The following ATP2C2 variants were observed in gnomAD, a reference collection of about 807,000 sequenced individuals.
ATP2C2 encodes the protein ATPase secretory pathway Ca2+ transporting 2, also known as calcium-transporting ATPase type 2C member 2.
A neutral mutation model predicts 110.8 loss-of-function variants in ATP2C2; 171 were observed. The observed-to-expected ratio is 1.54, with a 90% CI of 1.36 to 1.75. The LOEUF (loss-of-function observed/expected upper bound fraction) is 1.75. ATP2C2 is among the 40% of genes most tolerant of loss of function. The pLI is 0.00. For missense variants in ATP2C2, 1,963 were observed against 1,235.0 expected (o/e 1.59, Z -8.84); for synonymous variants, 804 against 508.4 (o/e 1.58, Z -7.82).
chr16:84,442,639 C>A, intron 15 of ATP2C2, 40 bp downstream of exon 15: 1 of 1,584,088 alleles, frequency 6.3e-7, no homozygotes, highest in Non-Finnish European at 8.7e-7. Flanking sequence ...AATTCTTTCG[C>A]TCGGGGCTGG....
At chr16:84,373,637 G>T (rs749732435) in intron 1 of ATP2C2, among the ~76,000 whole-genome samples, 5 of 152,174 alleles carry the variant, frequency 3.3e-5, no homozygotes, top group Admixed American at 1.3e-4. Context: ...AAGGGAAGGG[G>T]TTACACAGGC....
At chr16:84,432,974 T>G (rs1908412455) in intron 11 of ATP2C2, among the ~76,000 whole-genome samples, 1 of 152,052 alleles carries the variant, frequency 6.6e-6, no homozygotes, top group Non-Finnish European at 1.5e-5. Context: ...CGAACAGCAT[T>G]CTCAGGTGAC....
chr16:84,455,647 T>G (rs371323019), intron 21 of ATP2C2, among the ~76,000 whole-genome samples: 168 of 152,080 alleles, frequency 1.1e-3, no homozygotes, highest in African/African-American at 3.7e-3. Context: ...TTTTTAAGCC[T>G]GATACAAAAA....
chr16:84,398,362 T>G, intron 1 of ATP2C2, 137 bp from the exon 2 acceptor site: 1 of 422,414 alleles, frequency 2.4e-6, no homozygotes. Flanking sequence ...GCTGAGATCA[T>G]GACACTGCAC....
chr16:84,388,265 C>T (rs1160564280), intron 1 of ATP2C2, among the ~76,000 whole-genome samples: 1 of 151,950 alleles, frequency 6.6e-6, no homozygotes, highest in Non-Finnish European at 1.5e-5. Context: ...GCAGAGGTTG[C>T]AGTGAGCCGA....
chr16:84,423,538 T>C (rs1907545404), intron 10 of ATP2C2, among the ~76,000 whole-genome samples: 1 of 152,222 alleles, frequency 6.6e-6, no homozygotes, highest in Non-Finnish European at 1.5e-5. Context: ...GTATTCCTGG[T>C]CCAGTGGCTC....
At position 84,444,162 on chromosome 16, in the gene ATP2C2, C is replaced by CAAA. The variant is rs71151217; in HGVS notation, c.1401+1583_1401+1585dup. ...AGTCTAGATGAGAGAGATCCTGCCT[C>CAAA]AAAAAAAAAAAAAAAAAAAAAACAA... is the stretch of plus-strand genomic sequence containing the variant. On this transcript the variant is annotated intron_variant, in intron 15 of 26. Coordinates refer to ENST00000262429, the MANE Select transcript of ATP2C2 (RefSeq NM_014861.4). Among the ~76,000 whole-genome samples the CAAA allele has an allele frequency of 5.9e-3, 613 of 104,414 alleles. 14 individuals are homozygous for CAAA. The highest frequency in any genetic ancestry group is 0.02 in the African/African-American group (514 of 25,412). 68.5% of individuals were successfully genotyped at this position (104,414 alleles called of 152,430 possible). A position where few individuals can be genotyped will look rare whatever the true frequency, so the allele number is the denominator to read the frequency against.
rs143797673 is a variant in ATP2C2, at chr16:84,383,735, C to CTGTGTG, written c.100-14754_100-14749dup. 5.2e-4 allele frequency among the ~76,000 whole-genome samples: 71 copies of CTGTGTG among 137,692 alleles called. 1 individual carries two copies. Among genetic ancestry groups the CTGTGTG allele is most frequent in the Middle Eastern group, 3.8e-3 (1 of 262 alleles). The allele number at this position is 137,692 out of a possible 152,430, so 90.3% of individuals were successfully genotyped here. A position where few individuals can be genotyped will look rare whatever the true frequency, so the allele number is the denominator to read the frequency against. On this transcript the variant is annotated intron_variant, in intron 1 of 26. Coordinates refer to ENST00000262429, the MANE Select transcript of ATP2C2 (RefSeq NM_014861.4). ...GATGCTGTATTATTTCTGAATACAT[C>CTGTGTG]TGTGTGTGTGTGTGTATGTGTGTGT...
At chr16:84,442,716 G>A in intron 15 of ATP2C2, 117 bp downstream of exon 15, 1 of 1,021,642 alleles carries the variant, frequency 9.8e-7, no homozygotes, top group Non-Finnish European at 1.5e-6. Context: ...AATCATGGAA[G>A]AAAATGGCCC....
intron 20 of ATP2C2, among the ~76,000 whole-genome samples, chr16:84,454,492 G>GTTGA (rs1214196102): frequency 3.3e-5 from 5 of 152,016 alleles, no homozygotes; most frequent in African/African-American, 1.2e-4. Flanking sequence ...GGGCCGCACT[G>GTTGA]TTGATTACTG....
At chr16:84,369,288 G>C (rs1227863540) in intron 1 of ATP2C2, among the ~76,000 whole-genome samples, 1 of 152,176 alleles carries the variant, frequency 6.6e-6, no homozygotes, top group Admixed American at 6.5e-5. Flanking sequence ...CAGGGTGCCA[G>C]GGCAGGGCGG....
intron 2 of ATP2C2, chr16:84,404,807 AC>A: frequency 3.1e-6 from 1 of 326,368 alleles, no homozygotes; most frequent in East Asian, 7.6e-5. Flanking sequence ...CATTCCCAAG[AC>A]CTTTTTTTTT....
chr16:84,447,300 G>A (rs1042767411), intron 16 of ATP2C2, among the ~76,000 whole-genome samples: 8 of 152,076 alleles, frequency 5.3e-5, no homozygotes, highest in Non-Finnish European at 1.0e-4. Context: ...AGGGATTATA[G>A]ATTTTCAAAA....
intron 9 of ATP2C2, 66 bp from the exon 10 acceptor site, chr16:84,423,122 A>C (rs1907502817): frequency 2.8e-6 from 4 of 1,422,150 alleles, no homozygotes. Context: ...AGGTGAAGAC[A>C]TTTTGAACAA....
chr16:84,460,443 C>T (rs753966865), intron 23 of ATP2C2: 17 of 668,446 alleles, frequency 2.5e-5, no homozygotes, highest in Non-Finnish European at 7.9e-6. Flanking sequence ...GTCTGCGGGA[C>T]AGATGGAGGG....
At position 84,459,654 on chromosome 16, in the gene ATP2C2, C is replaced by T. The variant is rs538450650; in HGVS notation, c.2333+268C>T. The T allele has an allele frequency of 2.0e-3, 2,806 of 1,386,114 alleles. 2 individuals are homozygous for T. Among genetic ancestry groups the T allele is most frequent in the Non-Finnish European group, 2.5e-3 (2,561 of 1,017,618 alleles). 85.9% of individuals were successfully genotyped at this position (1,386,114 alleles called of 1,614,324 possible). A position where few individuals can be genotyped will look rare whatever the true frequency, so the allele number is the denominator to read the frequency against. ...CTCTCTCTGGGCAACCTGCATGGCT[C>T]ATTCTCATGCTTCATTCCAGTCACC... is the stretch of plus-strand genomic sequence containing the variant. On this transcript the variant is annotated intron_variant, in intron 23 of 26. Coordinates refer to ENST00000262429, the MANE Select transcript of ATP2C2 (RefSeq NM_014861.4).
intron 11 of ATP2C2, among the ~76,000 whole-genome samples, chr16:84,431,186 C>G (rs770663844): frequency 6.6e-6 from 1 of 151,962 alleles, no homozygotes. Context: ...GAATAACTGC[C>G]GAGAAAGAGA....
In ATP2C2 at chr16:84,440,774, T is replaced by G. The variant is rs546132933; in HGVS notation, c.1210-83T>G. ...TTTAGGATTGTGTCCCTGGAATGGATCCCCAGGACAGAGATTGTGGGCCAA... is the reference window on the plus strand; with the variant it reads ...TTTAGGATTGTGTCCCTGGAATGGAGCCCCAGGACAGAGATTGTGGGCCAA... On this transcript the variant is annotated intron_variant, in intron 13 of 26. Coordinates refer to ENST00000262429, the MANE Select transcript of ATP2C2 (RefSeq NM_014861.4). 67 of 1,006,100 alleles carry G rather than the reference T, an allele frequency of 6.7e-5. No individual in the cohort carries two copies. The East Asian group carries it at 1.3e-3, about 20-fold the overall frequency. 62.3% of individuals were successfully genotyped at this position (1,006,100 alleles called of 1,614,324 possible). A position where few individuals can be genotyped will look rare whatever the true frequency, so the allele number is the denominator to read the frequency against.
chr16:84,453,017 C>A, intron 18 of ATP2C2, 121 bp from the exon 19 acceptor site: 1 of 1,012,198 alleles, frequency 9.9e-7, no homozygotes, highest in Non-Finnish European at 1.5e-6. Context: ...ATGGTAGGTC[C>A]TCAGTAAACC....
Sources: allele counts gnomAD v4.1 joint callset (sites outside exome capture counted in the v4.1 genomes callset), GRCh38; gene constraint gnomAD v4.1.1; transcripts MANE v1.5; gene names NCBI Gene and HGNC (gene_info 2026-07-23, HGNC 2026-07-21).